TRMT9B: variants seen among roughly 807,000 people sequenced by gnomAD.
TRMT9B encodes tRNA methyltransferase 9B (putative).
Under a neutral mutation model 11.5 loss-of-function variants are expected in TRMT9B, and 16 were observed. That is an observed-to-expected ratio of 1.39 (90% CI 0.94 to 2.11). The LOEUF (loss-of-function observed/expected upper bound fraction) is 2.11. Among genes scored for constraint, TRMT9B ranks in the 30% most tolerant of loss-of-function variants. The pLI, the probability that TRMT9B is intolerant of heterozygous loss-of-function variation, is 0.00. For synonymous variants in TRMT9B, 274 were observed against 192.4 expected (o/e 1.42, Z -3.51); for missense variants, 941 against 553.8 (o/e 1.70, Z -7.02).
chr8:12,997,557 G>T (rs990508706), intron 2 of TRMT9B, among the ~76,000 whole-genome samples: 1 of 152,140 alleles, frequency 6.6e-6, no homozygotes, highest in African/African-American at 2.4e-5. Flanking sequence ...GATCCATATT[G>T]TTGCATATGG....
At chr8:13,012,211 G>A (rs925579774) in intron 3 of TRMT9B, 56 of 984,656 alleles carry the variant, frequency 5.7e-5, no homozygotes, top group Non-Finnish European at 6.5e-5. Context: ...GTAAGTATTC[G>A]CCGAAGGCTT....
intron 3 of TRMT9B, among the ~76,000 whole-genome samples, chr8:13,009,233 G>T (rs376085948): frequency 7.8e-4 from 118 of 152,168 alleles, no homozygotes; most frequent in African/African-American, 2.6e-3. Context: ...TAAAATGGTG[G>T]TTACCTGGGG....
chr8:12,988,285 A>G (rs959109607), intron 1 of TRMT9B, among the ~76,000 whole-genome samples: 3 of 152,168 alleles, frequency 2.0e-5, no homozygotes, highest in African/African-American at 7.2e-5. Context: ...CACCCACATC[A>G]TAACATTCTT....
chr8:12,987,030 C>A (rs1806433567), intron 1 of TRMT9B, among the ~76,000 whole-genome samples: 1 of 152,168 alleles, frequency 6.6e-6, no homozygotes, highest in South Asian at 2.1e-4. Flanking sequence ...TGGACTAGGT[C>A]CTATATGATC....
chr8:12,995,049 C>T (rs1183217125), intron 2 of TRMT9B, among the ~76,000 whole-genome samples: 1 of 152,208 alleles, frequency 6.6e-6, no homozygotes, highest in Non-Finnish European at 1.5e-5. Flanking sequence ...CCCGACTTCT[C>T]ATGCATTCGT....
intron 2 of TRMT9B, among the ~76,000 whole-genome samples, chr8:12,998,611 G>T (rs911612037): frequency 6.6e-6 from 1 of 152,208 alleles, no homozygotes; most frequent in Non-Finnish European, 1.5e-5. Context: ...GGTATAAAAA[G>T]CACCGTCTTG....
chr8:12,997,998 G>C (rs1211322368), intron 2 of TRMT9B, among the ~76,000 whole-genome samples: 1 of 152,130 alleles, frequency 6.6e-6, no homozygotes, highest in Non-Finnish European at 1.5e-5. Flanking sequence ...CCTGATACTA[G>C]TGAAGTTAAG....
intron 1 of TRMT9B, among the ~76,000 whole-genome samples, chr8:12,957,817 A>C (rs1249839385): frequency 5.9e-5 from 9 of 152,220 alleles, no homozygotes; most frequent in African/African-American, 2.2e-4. Context: ...TACTATTTTA[A>C]CTGTTTTTTG....
Position 13,028,569 on chromosome 8 carries a change from C to CTTTTTTCT in TRMT9B, c.*6529_*6530insTTCTTTTT, listed in dbSNP as rs372362869. The CTTTTTTCT allele has an allele frequency of 1.8e-5, 2 of 109,448 alleles. No individual in the cohort carries two copies. The highest frequency in any genetic ancestry group is 3.8e-5 in the Non-Finnish European group (2 of 52,670). The allele number at this position is 109,448 out of a possible 1,614,324, so 6.8% of individuals were successfully genotyped here. The stretch of plus-strand genomic sequence containing the variant: ...TAAGTGATAAGCACTTTTCTCTTTT[C>CTTTTTTCT]TTTTCTTTTTTTTTTTTTTTTTTTG... On this transcript the variant is annotated 3_prime_UTR_variant, in exon 5 of 5. Transcript: ENST00000524591.
intron 3 of TRMT9B, among the ~76,000 whole-genome samples, chr8:13,008,704 C>A (rs963756321): frequency 6.6e-6 from 1 of 152,066 alleles, no homozygotes; most frequent in African/African-American, 2.4e-5. Flanking sequence ...AAAATATCTG[C>A]AACACATGTC....
intron 4 of TRMT9B, among the ~76,000 whole-genome samples, chr8:13,015,985 C>T (rs1812577925): frequency 6.6e-6 from 1 of 151,292 alleles, no homozygotes; most frequent in Non-Finnish European, 1.5e-5. Flanking sequence ...TGACGGGCAC[C>T]TGAATTCCCA....
At chr8:12,984,950 A>AACACACACACAC (rs1489460640) in intron 1 of TRMT9B, among the ~76,000 whole-genome samples, 9 of 112,388 alleles carry the variant, frequency 8.0e-5, no homozygotes, top group African/African-American at 2.9e-4. Context: ...CACCTCCCTC[A>AACACACACACAC]ACATACACAC....
chr8:12,987,686 CT>C (rs1386827400), intron 1 of TRMT9B, among the ~76,000 whole-genome samples: 2 of 41,070 alleles, frequency 4.9e-5, no homozygotes, highest in Non-Finnish European at 1.2e-4. Flanking sequence ...AATGAATACC[CT>C]GTCTCAAAAA....
chr8:12,997,786 T>C (rs1452332302), intron 2 of TRMT9B, among the ~76,000 whole-genome samples: 1 of 152,206 alleles, frequency 6.6e-6, no homozygotes, highest in African/African-American at 2.4e-5. Context: ...TGCTGGGCCA[T>C]AGGCTATGCA....
chr8:12,968,174 C>T (rs1011932134), intron 1 of TRMT9B, among the ~76,000 whole-genome samples: 1 of 152,218 alleles, frequency 6.6e-6, no homozygotes, highest in African/African-American at 2.4e-5. Context: ...CATGAGCCAC[C>T]ACCTGGCCAA....
chr8:13,012,889 GC>G (rs1563430263), intron 4 of TRMT9B, 32 bp downstream of exon 4: 1 of 1,607,380 alleles, frequency 6.2e-7, no homozygotes. Context: ...TTCACCCTTT[GC>G]CATGAGAATA....
At chr8:12,999,760 G>C (rs1447877721) in intron 2 of TRMT9B, among the ~76,000 whole-genome samples, 1 of 152,162 alleles carries the variant, frequency 6.6e-6, no homozygotes, top group African/African-American at 2.4e-5. Context: ...AAGTGCTGTG[G>C]AATTAGGGAG....
intron 3 of TRMT9B, chr8:13,007,757 A>C (rs1030320742): frequency 6.6e-6 from 1 of 152,238 alleles, no homozygotes; most frequent in African/African-American, 2.4e-5. Flanking sequence ...ACTATTCAGT[A>C]AATGGCTTTG....
intron 4 of TRMT9B, among the ~76,000 whole-genome samples, chr8:13,013,102 C>T (rs1276413420): frequency 6.6e-6 from 1 of 152,110 alleles, no homozygotes; most frequent in Non-Finnish European, 1.5e-5. Context: ...ATGATTCATT[C>T]CAATTTCTTT....
Sources: allele counts gnomAD v4.1 joint callset (sites outside exome capture counted in the v4.1 genomes callset), GRCh38; gene constraint gnomAD v4.1.1; transcripts MANE v1.5; gene names NCBI Gene and HGNC (gene_info 2026-07-23, HGNC 2026-07-21).